Variants in MAST4 observed in about 807,000 individuals in gnomAD.
MAST4 encodes the protein microtubule associated serine/threonine kinase family member 4.
In MAST4, 89 loss-of-function variants were observed where a neutral mutation model predicts 162.7. The observed-to-expected ratio is 0.55, with a 90% CI of 0.46 to 0.65. The LOEUF is 0.65. MAST4 is among the 30% of genes least tolerant of loss of function. The pLI is 0.00. For synonymous variants in MAST4, 1,479 were observed against 1,361.1 expected (o/e 1.09, Z -1.91); for missense variants, 3,153 against 3,374.0 (o/e 0.93, Z 1.62).
intron 1 of MAST4, among the ~76,000 whole-genome samples, chr5:66,734,402 A>T (rs527691715): frequency 1.2e-4 from 18 of 152,336 alleles, no homozygotes; most frequent in African/African-American, 4.3e-4. Flanking sequence ...AGGGTATCAT[A>T]GGCTATATTG....
chr5:66,948,007 T>C (rs764800515), intron 4 of MAST4, among the ~76,000 whole-genome samples: 9 of 152,108 alleles, frequency 5.9e-5, no homozygotes, highest in Non-Finnish European at 1.2e-4. Context: ...ATGACAGTAT[T>C]CTCATATAAA....
intron 4 of MAST4, among the ~76,000 whole-genome samples, chr5:66,951,595 G>GAT (rs1341167736): frequency 1.1e-4 from 14 of 125,818 alleles, no homozygotes; most frequent in South Asian, 2.8e-4. Flanking sequence ...TGCCTCCCAT[G>GAT]ATATGTGTGT....
chr5:67,066,430 T>C (rs1760239792), intron 5 of MAST4, among the ~76,000 whole-genome samples: 1 of 151,062 alleles, frequency 6.6e-6, no homozygotes, highest in Non-Finnish European at 1.5e-5. Flanking sequence ...AAATATGATT[T>C]ATATATATAC....
Position 66,789,988 on chromosome 5 carries a change from A to ATTTTTTTTTTTTTTTTT in MAST4, c.642+1208_642+1224dup, listed in dbSNP as rs57743987. On this transcript the variant is annotated intron_variant, in intron 3 of 28. Coordinates refer to ENST00000403625, the MANE Select transcript of MAST4 (RefSeq NM_001164664.2). The stretch of plus-strand genomic sequence containing the variant: ...CTTTATGTTTAACATGCTTATTAGA[A>ATTTTTTTTTTTTTTTTT]TTTTTTTTTTTTTTTTTTTTTTTTT... Among the ~76,000 whole-genome samples, 15 of 52,470 alleles carry ATTTTTTTTTTTTTTTTT rather than the reference A, an allele frequency of 2.9e-4. 1 individual carries two copies. The highest frequency in any genetic ancestry group is 6.9e-4 in the African/African-American group (6 of 8,746). The allele number at this position is 52,470 out of a possible 152,430, so 34.4% of individuals were successfully genotyped here. A position where few individuals can be genotyped will look rare whatever the true frequency, so the allele number is the denominator to read the frequency against.
chr5:66,915,731 C>T (rs1764073595), intron 4 of MAST4, among the ~76,000 whole-genome samples: 1 of 152,086 alleles, frequency 6.6e-6, no homozygotes, highest in Non-Finnish European at 1.5e-5. Context: ...CACAGGTCCT[C>T]CTGCACTGGG....
chr5:66,842,143 G>A (rs969606782), intron 3 of MAST4, among the ~76,000 whole-genome samples: 2 of 152,102 alleles, frequency 1.3e-5, no homozygotes, highest in Non-Finnish European at 2.9e-5. Flanking sequence ...TGGAATAAGG[G>A]GATTTATAAA....
chr5:67,093,770 A>G (rs971683893), intron 6 of MAST4: 8 of 385,216 alleles, frequency 2.1e-5, no homozygotes, highest in African/African-American at 6.1e-5. Context: ...TGGTGGGGAG[A>G]AATTGTGTCC....
chr5:66,782,392 A>C (rs1754918559), intron 2 of MAST4, among the ~76,000 whole-genome samples: 1 of 152,204 alleles, frequency 6.6e-6, no homozygotes, highest in African/African-American at 2.4e-5. Flanking sequence ...ATTTATTTTA[A>C]TGTACATATA....
chr5:66,902,461 A>G (rs1381673427), intron 4 of MAST4, among the ~76,000 whole-genome samples: 1 of 152,214 alleles, frequency 6.6e-6, no homozygotes, highest in Non-Finnish European at 1.5e-5. Context: ...TGGTAAAAAC[A>G]TACATTAAAT....
In MAST4 at chr5:67,142,412, T is replaced by C; in HGVS notation, c.2618-9T>C. ...GTAATTGGACCTGTTCCCAAACATTTCACTGCAGCTCGGTCTGAGAAGTAT... is the reference window on the plus strand; with the variant it reads ...GTAATTGGACCTGTTCCCAAACATTCCACTGCAGCTCGGTCTGAGAAGTAT... On this transcript the variant is annotated splice_polypyrimidine_tract_variant and intron_variant, in intron 20 of 28. Transcript: ENST00000403625. 1 of 1,581,174 alleles carries C rather than the reference T, an allele frequency of 6.3e-7. No homozygotes were observed. Among genetic ancestry groups the C allele is most frequent in the Non-Finnish European group, 8.6e-7 (1 of 1,160,556 alleles).
intron 14 of MAST4, among the ~76,000 whole-genome samples, chr5:67,126,651 G>T (rs1393021135): frequency 6.6e-6 from 1 of 152,166 alleles, no homozygotes; most frequent in African/African-American, 2.4e-5. Context: ...TGGTAGCCTT[G>T]TAGTATAGTT....
intron 5 of MAST4, among the ~76,000 whole-genome samples, chr5:67,087,154 C>T (rs1036071348): frequency 6.6e-6 from 1 of 152,144 alleles, no homozygotes; most frequent in East Asian, 1.9e-4. Flanking sequence ...ACCACCACGA[C>T]TCCATTTCTC....
intron 3 of MAST4, among the ~76,000 whole-genome samples, chr5:66,837,160 T>A (rs1296378377): frequency 6.6e-6 from 1 of 152,056 alleles, no homozygotes; most frequent in African/African-American, 2.4e-5. Context: ...GCTATTTAAT[T>A]CCTCACCAAT....
chr5:66,745,368 A>T (rs1225484247), intron 1 of MAST4, among the ~76,000 whole-genome samples: 1 of 152,138 alleles, frequency 6.6e-6, no homozygotes, highest in Non-Finnish European at 1.5e-5. Context: ...GTGCCCATGG[A>T]GTGGGAGAGA....
chr5:67,013,776 T>C (rs546562146), intron 4 of MAST4, among the ~76,000 whole-genome samples: 50 of 152,310 alleles, frequency 3.3e-4, no homozygotes, highest in African/African-American at 1.2e-3. Flanking sequence ...GTTTTACTTT[T>C]ATAGATGTAT....
intron 11 of MAST4, 112 bp downstream of exon 11, chr5:67,110,311 A>G (rs1766088390): frequency 4.0e-6 from 3 of 746,672 alleles, no homozygotes; most frequent in Non-Finnish European, 7.1e-6. Flanking sequence ...GAAAGAGTCA[A>G]AGGGAATTAC....
intron 5 of MAST4, among the ~76,000 whole-genome samples, chr5:67,057,915 CATGAA>C (rs761092798): frequency 1.3e-5 from 2 of 148,928 alleles, no homozygotes; most frequent in Non-Finnish European, 3.0e-5. Flanking sequence ...GCCAACAAAA[CATGAA>C]ATGATATGTC....
At chr5:67,017,756 G>A (rs911844063) in intron 4 of MAST4, among the ~76,000 whole-genome samples, 3 of 151,652 alleles carry the variant, frequency 2.0e-5, no homozygotes, top group African/African-American at 4.8e-5. Flanking sequence ...GCGCCACTAT[G>A]CCCAGCTAAT....
intron 20 of MAST4, 44 bp downstream of exon 20, chr5:67,142,281 G>T: frequency 1.9e-6 from 3 of 1,599,902 alleles, no homozygotes; most frequent in South Asian, 1.1e-5. Flanking sequence ...GCCTTTACTC[G>T]ATAAATAATT....
Sources: allele counts gnomAD v4.1 joint callset (sites outside exome capture counted in the v4.1 genomes callset), GRCh38; gene constraint gnomAD v4.1.1; transcripts MANE v1.5; gene names NCBI Gene and HGNC (gene_info 2026-07-23, HGNC 2026-07-21).